The following TPTE variants were observed in gnomAD, a reference collection of about 807,000 sequenced individuals.
TPTE encodes the protein transmembrane phosphatase with tensin homology, also known as putative tyrosine-protein phosphatase TPTE.
TPTE carries 59 observed loss-of-function variants against 84.1 expected under a neutral mutation model. The ratio of observed to expected loss-of-function variants is 0.70; its 90% CI spans 0.57 to 0.87. The LOEUF (loss-of-function observed/expected upper bound fraction) is 0.87, where lower values mean the gene tolerates loss of function less well. Among genes scored for constraint, TPTE ranks in the 40% least tolerant of loss-of-function variants. The pLI is 0.00. For synonymous variants in TPTE, 130 were observed against 223.5 expected (o/e 0.58, Z 3.73); for missense variants, 382 against 659.6 (o/e 0.58, Z 4.61).
At chr21:10,596,484 G>C (rs1378248467) in intron 20 of TPTE, among the ~76,000 whole-genome samples, 4 of 152,308 alleles carry the variant, frequency 2.6e-5, no homozygotes, top group Non-Finnish European at 5.9e-5. Context: ...CTTGGTGGAG[G>C]TGTCTCCGTA....
In TPTE at chr21:10,605,548, A is replaced by G. The variant is rs1332068983; in HGVS notation, c.1652A>G (p.Asp551Gly). 1.9e-6 allele frequency: 3 copies of G among 1,613,986 alleles called. No individual in the cohort carries two copies. Among genetic ancestry groups the G allele is most frequent in the Non-Finnish European group, 2.5e-6 (3 of 1,179,938 alleles). Reference protein sequence around the residue: ...MTSSDVVAGSD With the variant: ...MTSSDVVAGSG ...TCCAGTGATGTTGTAGCTGGATCCG[A>G]TTAAGTATAGCTCCCCCTTCCCCTT... The change falls in exon 24 of 24, where the codon GAT (aspartate) becomes GGT (glycine). Residue 551 changes from aspartate (D) to glycine (G), a missense_variant. By Grantham distance (94) the Asp-to-Gly change is moderately conservative. Around this residue, in one of 10 missense-constraint regions of TPTE, gnomAD observed 120 missense variants for 79.1 expected, o/e 1.52. Transcript: ENST00000618007.
intron 8 of TPTE, among the ~76,000 whole-genome samples, chr21:10,559,158 C>T (rs1488196865): frequency 6.6e-6 from 1 of 152,310 alleles, no homozygotes; most frequent in Non-Finnish European, 1.5e-5. Context: ...CAGTTCTCTT[C>T]TACCACCCTT....
At chr21:10,551,116 T>A (rs1454567056) in intron 7 of TPTE, among the ~76,000 whole-genome samples, 2 of 152,310 alleles carry the variant, frequency 1.3e-5, no homozygotes, top group Non-Finnish European at 2.9e-5. Flanking sequence ...TTAAGAACTA[T>A]GTTTTTAGCT....
At chr21:10,535,898 G>A (rs921745723) in intron 3 of TPTE, among the ~76,000 whole-genome samples, 2 of 152,312 alleles carry the variant, frequency 1.3e-5, no homozygotes, top group Non-Finnish European at 2.9e-5. Context: ...ATGGGTGAAA[G>A]TAAAGAAGTG....
intron 3 of TPTE, among the ~76,000 whole-genome samples, chr21:10,538,065 C>G (rs1219182941): frequency 1.3e-5 from 2 of 152,310 alleles, no homozygotes; most frequent in Non-Finnish European, 1.5e-5. Flanking sequence ...TGAGACCTTA[C>G]TATAATGGCT....
chr21:10,573,322 C>T (rs1341934398), intron 14 of TPTE, among the ~76,000 whole-genome samples: 4 of 152,312 alleles, frequency 2.6e-5, no homozygotes, highest in Non-Finnish European at 4.4e-5. Flanking sequence ...ATGTACCCTA[C>T]ACTAGAGCAC....
intron 13 of TPTE, among the ~76,000 whole-genome samples, chr21:10,570,184 A>G (rs2075013444): frequency 6.6e-6 from 1 of 152,312 alleles, no homozygotes; most frequent in Non-Finnish European, 1.5e-5. Flanking sequence ...TTTCTCTGGT[A>G]TTTAAGATAA....
chr21:10,582,233 T>G (rs575666285), intron 17 of TPTE, among the ~76,000 whole-genome samples: 38 of 152,308 alleles, frequency 2.5e-4, no homozygotes, highest in African/African-American at 8.9e-4. Flanking sequence ...AAGTGTTTTT[T>G]TCATATAGAT....
At chr21:10,555,998 T>C (rs1444896252) in intron 8 of TPTE, among the ~76,000 whole-genome samples, 2 of 152,312 alleles carry the variant, frequency 1.3e-5, no homozygotes, top group South Asian at 2.1e-4. Context: ...TTATATTATT[T>C]ATCTTTACTT....
chr21:10,544,573 G>T (rs1290194592), intron 7 of TPTE, among the ~76,000 whole-genome samples: 2 of 152,308 alleles, frequency 1.3e-5, no homozygotes, highest in Non-Finnish European at 2.9e-5. Context: ...TTTGGTAGGG[G>T]CGGGGTTTCA....
chr21:10,590,053 AT>A (rs1229409989), intron 17 of TPTE, among the ~76,000 whole-genome samples: 1 of 152,312 alleles, frequency 6.6e-6, no homozygotes, highest in Non-Finnish European at 1.5e-5. Context: ...CTACATTTAT[AT>A]GTGAGACTGG....
At chr21:10,562,513 A>G (rs2074829783) in intron 10 of TPTE, among the ~76,000 whole-genome samples, 1 of 152,312 alleles carries the variant, frequency 6.6e-6, no homozygotes, top group Non-Finnish European at 1.5e-5. Flanking sequence ...AAGAAATTCA[A>G]GATAACACAG....
chr21:10,535,291 T>A (rs1475268716), intron 3 of TPTE, among the ~76,000 whole-genome samples: 3 of 152,306 alleles, frequency 2.0e-5, no homozygotes, highest in African/African-American at 7.2e-5. Flanking sequence ...AACAAGGATT[T>A]ATATACAAGT....
intron 1 of TPTE, among the ~76,000 whole-genome samples, chr21:10,522,726 T>G (rs2074005845): frequency 6.6e-6 from 1 of 152,310 alleles, no homozygotes; most frequent in Admixed American, 6.5e-5. Context: ...TTTTTTCTTA[T>G]ACTCAAAATT....
At chr21:10,531,407 C>G (rs547466283) in intron 3 of TPTE, among the ~76,000 whole-genome samples, 1 of 152,426 alleles carries the variant, frequency 6.6e-6, no homozygotes, top group South Asian at 2.1e-4. Context: ...CGTGTCAGTT[C>G]CCCTTCATCT....
At chr21:10,564,343 C>T (rs1284990602) in intron 10 of TPTE, among the ~76,000 whole-genome samples, 1 of 152,268 alleles carries the variant, frequency 6.6e-6, no homozygotes, top group African/African-American at 2.4e-5. Flanking sequence ...AACCCTGTCT[C>T]TACTAAAAAT....
Position 10,541,139 on chromosome 21 carries a change from C to T in TPTE, c.39C>T (p.Val13=), listed in dbSNP as rs376595805. The change falls in exon 5 of 24, where the codon GTC becomes GTT. Residue 13 remains valine, a synonymous_variant. Coordinates refer to ENST00000618007, the MANE Select transcript of TPTE (RefSeq NM_199261.4). ...CTGATCCGACTGACCTGGCGGGAGTCATCATTGAGCTCGGCCCCAATGACA... is the reference window on the plus strand; with the variant it reads ...CTGATCCGACTGACCTGGCGGGAGTTATCATTGAGCTCGGCCCCAATGACA... The part of the protein sequence containing the change: ...ESPDPTDLAG[V]IIELGPNDSP... 2 of 1,613,314 alleles carry T rather than the reference C, an allele frequency of 1.2e-6. No individual in the cohort carries two copies. Among genetic ancestry groups the T allele is most frequent in the Non-Finnish European group, 1.7e-6 (2 of 1,179,336 alleles).
At chr21:10,545,731 A>G (rs1250408792) in intron 7 of TPTE, among the ~76,000 whole-genome samples, 1 of 151,846 alleles carries the variant, frequency 6.6e-6, no homozygotes, top group Non-Finnish European at 1.5e-5. Flanking sequence ...ATATAGATAT[A>G]TAAATATGTA....
intron 20 of TPTE, among the ~76,000 whole-genome samples, chr21:10,597,361 G>A (rs1422465723): frequency 1.3e-5 from 2 of 152,232 alleles, no homozygotes; most frequent in African/African-American, 4.8e-5. Context: ...CAACATATTA[G>A]CAAGAAAGGT....
Sources: gnomAD v4.1 joint callset for allele counts (sites outside exome capture counted in the v4.1 genomes callset) on GRCh38, gnomAD v4.1.1 for gene constraint, gnomAD v4.1.1 regional missense constraint, MANE v1.5 for transcripts, NCBI Gene and HGNC (gene_info 2026-07-23, HGNC 2026-07-21) for gene names.